EXD1: variants seen among roughly 807,000 people sequenced by gnomAD.
EXD1 encodes the protein piRNA biogenesis protein EXD1.
Under a neutral mutation model 49.1 loss-of-function variants are expected in EXD1, and 63 were observed. The observed-to-expected ratio is 1.28, with a 90% CI of 1.05 to 1.58. The LOEUF is 1.58. EXD1 is among the 40% of genes most tolerant of loss of function. The pLI is 0.00. For missense variants in EXD1, 748 were observed against 666.0 expected, an observed-to-expected ratio of 1.12 and a Z score of -1.36; for synonymous variants, 234 against 239.2, an observed-to-expected ratio of 0.98 and a Z score of 0.20.
intron 3 of EXD1, among the ~76,000 whole-genome samples, chr15:41,218,374 C>A (rs914142034): frequency 6.6e-6 from 1 of 151,444 alleles, no homozygotes; most frequent in African/African-American, 2.4e-5. Context: ...GTAATCCCAG[C>A]TCCTGGGGAG....
chr15:41,225,896 C>A (rs1345772260), intron 2 of EXD1, among the ~76,000 whole-genome samples: 1 of 125,630 alleles, frequency 8.0e-6, no homozygotes, highest in African/African-American at 4.2e-5. Context: ...AAAAACAAAA[C>A]AAAACAAAAC....
chr15:41,189,965 C>A lies in EXD1; in HGVS notation c.1028G>T (p.Gly343Val), dbSNP rs111639565. ...AGTGCCTCCAAGCCGGTCTGCAGAC[C>A]CTTCGCGATACGTGTTTAGGTAACC... is the stretch of plus-strand genomic sequence containing the variant. ...VDGYLNTYREGSADRLGGTEP... is the reference protein window; with the variant it reads ...VDGYLNTYREVSADRLGGTEP... Residue 343 changes from glycine to valine, a missense_variant, in exon 11 of 12, where the codon GGG becomes GTG. Coordinates refer to ENST00000458580, the MANE Select transcript of EXD1 (RefSeq NM_001286441.2). 1 of 1,614,006 alleles carries A rather than the reference C, an allele frequency of 6.2e-7. No homozygotes were observed. The highest frequency in any genetic ancestry group is 1.7e-5 in the Admixed American group (1 of 59,984).
intron 5 of EXD1, 138 bp from the exon 6 acceptor site, chr15:41,215,971 C>T (rs916602085): frequency 3.0e-5 from 21 of 706,010 alleles, no homozygotes; most frequent in African/African-American, 8.9e-5. Flanking sequence ...ACCCTCCCTA[C>T]GTACTACTTC....
chr15:41,191,991 A>T, intron 9 of EXD1: 1 of 168,568 alleles, frequency 5.9e-6, no homozygotes, highest in Non-Finnish European at 1.3e-5. Context: ...TATGTCGTCC[A>T]GGCTGGAGTG....
chr15:41,199,527 T>C (rs2046672977), intron 7 of EXD1, among the ~76,000 whole-genome samples: 1 of 148,942 alleles, frequency 6.7e-6, no homozygotes, highest in Non-Finnish European at 1.5e-5. Context: ...CCTTGCCCTA[T>C]ATATCTCTTC....
chr15:41,205,935 A>C (rs1425294799), intron 7 of EXD1, among the ~76,000 whole-genome samples: 1 of 140,926 alleles, frequency 7.1e-6, no homozygotes, highest in African/African-American at 2.7e-5. Context: ...GCTGGAGTGC[A>C]GGGGCATGAT....
chr15:41,211,098 G>A (rs1274268790), intron 6 of EXD1, among the ~76,000 whole-genome samples: 12 of 152,118 alleles, frequency 7.9e-5, no homozygotes, highest in Admixed American at 7.9e-4. Context: ...TTTTGAGACA[G>A]TCTCATGCTG....
At chr15:41,193,451 A>G (rs1010459829) in intron 9 of EXD1, among the ~76,000 whole-genome samples, 1 of 152,088 alleles carries the variant, frequency 6.6e-6, no homozygotes, top group Non-Finnish European at 1.5e-5. Context: ...TGGGGGGGAA[A>G]AAAATGGGCC....
chr15:41,200,048 C>T (rs7164797), intron 7 of EXD1, among the ~76,000 whole-genome samples: 4,214 of 151,334 alleles, frequency 0.028, 193 homozygotes, highest in African/African-American at 0.095. Context: ...GGACTACAGG[C>T]GTGCAACACT....
chr15:41,208,010 CA>C (rs10707284), intron 7 of EXD1, among the ~76,000 whole-genome samples: 18,114 of 106,086 alleles, frequency 0.17, 1,229 homozygotes, highest in South Asian at 0.33. Context: ...GACCCTGCCT[CA>C]AAAAAAAAAA....
At chr15:41,209,746 T>C (rs1292744090) in intron 6 of EXD1, among the ~76,000 whole-genome samples, 159 bp from the exon 7 acceptor site, 1 of 151,238 alleles carries the variant, frequency 6.6e-6, no homozygotes, top group African/African-American at 2.4e-5. Flanking sequence ...GTTTTACACA[T>C]GCAAATAAAT....
chr15:41,203,871 C>G (rs8028303), intron 7 of EXD1, among the ~76,000 whole-genome samples: 2 of 133,690 alleles, frequency 1.5e-5, no homozygotes, highest in African/African-American at 2.8e-5. Context: ...GAGCCAAGAT[C>G]GTGCCATTGC....
At chr15:41,228,005 G>A (rs925608755) in intron 1 of EXD1, among the ~76,000 whole-genome samples, 37 of 152,080 alleles carry the variant, frequency 2.4e-4, no homozygotes, top group African/African-American at 7.5e-4. Flanking sequence ...AGCCAAGATC[G>A]CGCCATTGCA....
At chr15:41,199,242 A>C (rs1256618997) in intron 7 of EXD1, among the ~76,000 whole-genome samples, 1 of 151,840 alleles carries the variant, frequency 6.6e-6, no homozygotes, top group African/African-American at 2.4e-5. Flanking sequence ...ATGAGCTACC[A>C]CACCTGGCCA....
chr15:41,223,224 G>T (rs1422210170), intron 2 of EXD1, among the ~76,000 whole-genome samples: 1 of 151,948 alleles, frequency 6.6e-6, no homozygotes, highest in East Asian at 1.9e-4. Flanking sequence ...TTCAAGACCA[G>T]CCTGAGCAAC....
chr15:41,195,991 C>T lies in EXD1; in HGVS notation c.581G>A (p.Gly194Glu), dbSNP rs560785993. The change falls in exon 8 of 12, where the codon GGA becomes GAA. Residue 194 changes from glycine to glutamate, a missense_variant. By Grantham distance (98) the Gly-to-Glu change is moderately conservative (BLOSUM62 -2). Transcript: ENST00000458580. ...AAGTCCATTGTGGAAAGCTCGACTT[C>T]CCAGAAGGAAAATGTCAAATAAGTA... ...RVYLFDIFLLGSRAFHNGLQM... is the reference protein window; with the variant it reads ...RVYLFDIFLLESRAFHNGLQM... 2 of 1,613,292 alleles carry T rather than the reference C, an allele frequency of 1.2e-6. No homozygotes were observed. The highest frequency in any genetic ancestry group is 2.7e-5 in the African/African-American group (2 of 75,024).
rs1231857133 is a variant in EXD1 at position 41,208,021 on chromosome 15, A to G, written c.534+1480T>C. On this transcript the variant is annotated intron_variant, in intron 7 of 11. Transcript: ENST00000458580. Reference sequence around the variant, plus strand: ...GCGAGACCCTGCCTCAAAAAAAAAAAAAAAGAAAGAGAGAAAACAAAAAGA... The same window carrying G: ...GCGAGACCCTGCCTCAAAAAAAAAAGAAAAGAAAGAGAGAAAACAAAAAGA... 4.0e-5 allele frequency among the ~76,000 whole-genome samples: 6 copies of G among 151,784 alleles called. No homozygotes were observed. In the Admixed American group the frequency reaches 4.0e-4, roughly 10 times the overall value.
chr15:41,223,771 A>G (rs1215586308), intron 2 of EXD1, among the ~76,000 whole-genome samples: 1 of 151,634 alleles, frequency 6.6e-6, no homozygotes, highest in Non-Finnish European at 1.5e-5. Flanking sequence ...AGTCTGAGGC[A>G]GGAGAATGGC....
rs1002525147 is a variant in EXD1, at chr15:41,214,311, G to A, written c.447+1464C>T. 1.5e-3 allele frequency among the ~76,000 whole-genome samples: 230 copies of A among 152,184 alleles called. 1 individual carries two copies. The highest frequency in any genetic ancestry group is 5.3e-3 in the African/African-American group (222 of 41,544). On this transcript the variant is annotated intron_variant, in intron 6 of 11. Coordinates refer to ENST00000458580, the MANE Select transcript of EXD1 (RefSeq NM_001286441.2). ...AGATCACCTGAGGTCAGGAGTTTGAGACCAGCCTGGCCAACATGGCAAAAC... is the reference window on the plus strand; with the variant it reads ...AGATCACCTGAGGTCAGGAGTTTGAAACCAGCCTGGCCAACATGGCAAAAC...
Sources: allele counts gnomAD v4.1 joint callset (sites outside exome capture counted in the v4.1 genomes callset), GRCh38; gene constraint gnomAD v4.1.1; transcripts MANE v1.5; gene names NCBI Gene and HGNC (gene_info 2026-07-23, HGNC 2026-07-21).